RBM28: variants seen among roughly 807,000 people sequenced by gnomAD.
The protein encoded by RBM28 is RNA binding motif protein 28, also known as RNA-binding protein 28.
RBM28 carries 78 observed loss-of-function variants against 98.3 expected under a neutral mutation model. That is an observed-to-expected ratio of 0.79 (90% confidence interval 0.66 to 0.96). The LOEUF (loss-of-function observed/expected upper bound fraction) is 0.96. RBM28 is among the 40% of genes least tolerant of loss of function. The pLI, the probability that RBM28 is intolerant of heterozygous loss-of-function variation, is 0.00. For synonymous variants in RBM28, 306 were observed against 330.9 expected (o/e 0.92, Z 0.82); for missense variants, 838 against 913.0 (o/e 0.92, Z 1.06).
intron 10 of RBM28, 127 bp from the exon 11 acceptor site, chr7:128,326,018 C>T (rs1796342203): frequency 1.3e-6 from 1 of 791,432 alleles, no homozygotes; most frequent in Admixed American, 2.0e-5. Flanking sequence ...TAAGTACAGC[C>T]ATGTAGCCGG....
intron 1 of RBM28, 67 bp downstream of exon 1, chr7:128,343,609 T>G: frequency 8.4e-7 from 1 of 1,191,954 alleles, no homozygotes; most frequent in South Asian, 1.4e-5. Context: ...TACGGCTCCC[T>G]GAAGTTTGGG....
At position 128,310,888 on chromosome 7, in the gene RBM28, A is replaced by G. The variant is rs1795967842; in HGVS notation, c.2189T>C (p.Phe730Ser). The G allele has an allele frequency of 6.2e-7, 1 of 1,613,926 alleles. No homozygotes were observed. The highest frequency in any genetic ancestry group is 1.7e-5 in the Admixed American group (1 of 60,006). The stretch of plus-strand genomic sequence containing the variant: ...CTTATATTGTTCGACCAGCTGGTTG[A>G]AGCGGGTTTCCGTCTTATTTCCCTT... ...KAKGNKTETR[F>S]NQLVEQYKQK... The change falls in exon 19 of 19, where the codon TTC (phenylalanine) becomes TCC (serine). Residue 730 changes from phenylalanine to serine, a missense_variant. Phe to Ser is a radical substitution (Grantham distance 155). Transcript: ENST00000223073.
intron 1 of RBM28, among the ~76,000 whole-genome samples, chr7:128,340,084 A>C (rs941659926): frequency 1.2e-4 from 18 of 152,140 alleles, no homozygotes; most frequent in Non-Finnish European, 1.9e-4. Context: ...AAAACAGAGA[A>C]TCCATGACAT....
Position 128,309,107 on chromosome 7 carries a change from A to C in RBM28, c.*1690T>G, listed in dbSNP as rs1795925896. Reference sequence around the variant, plus strand: ...ACGTTCTCAACTTTTTCTCTTGCCTACTGAATACTGTTTCTTCCTTTCCTA... The same window carrying C: ...ACGTTCTCAACTTTTTCTCTTGCCTCCTGAATACTGTTTCTTCCTTTCCTA... On this transcript the variant is annotated 3_prime_UTR_variant, in exon 19 of 19. Transcript: ENST00000223073. The C allele has an allele frequency of 6.6e-6, 1 of 152,070 alleles. No homozygotes were observed. The highest frequency in any genetic ancestry group is 1.5e-5 in the Non-Finnish European group (1 of 68,056). The allele number at this position is 152,070 out of a possible 1,614,324, so 9.4% of individuals were successfully genotyped here. A position where few individuals can be genotyped will look rare whatever the true frequency, so the allele number is the denominator to read the frequency against.
At position 128,335,568 on chromosome 7, in the gene RBM28, G is replaced by A. The variant is rs1457728362; in HGVS notation, c.921C>T (p.Thr307=). ...CTTTATCCTCTTGCTCCTCAGTGCT[G>A]GTATCACTCTGAGCCAGTTCCTCTC... ...DDGEELAQSD[T]STEEQEDKAV... Residue 307 remains threonine (T), a synonymous_variant, in exon 8 of 19, where the codon ACC becomes ACT. Transcript: ENST00000223073. 6.2e-7 allele frequency: 1 copy of A among 1,614,134 alleles called. No individual in the cohort carries two copies. The highest frequency in any genetic ancestry group is 1.1e-5 in the South Asian group (1 of 91,072).
chr7:128,330,538 A>G (rs995929511), intron 10 of RBM28, among the ~76,000 whole-genome samples: 3 of 151,720 alleles, frequency 2.0e-5, no homozygotes, highest in Non-Finnish European at 2.9e-5. Context: ...CACGCTGCTA[A>G]TTTTTTGTAT....
intron 17 of RBM28, 44 bp from the exon 18 acceptor site, chr7:128,313,318 T>C: frequency 6.4e-7 from 1 of 1,559,868 alleles, no homozygotes; most frequent in South Asian, 1.1e-5. Context: ...CTTCTTCTAA[T>C]TTGACACCCC....
At chr7:128,334,920 G>C (rs768336373) in intron 8 of RBM28, among the ~76,000 whole-genome samples, 1 of 152,044 alleles carries the variant, frequency 6.6e-6, no homozygotes. Context: ...CTCTCCCCTC[G>C]TCAAGCCACA....
At position 128,303,926 on chromosome 7, in the gene RBM28, C is replaced by G. The variant is rs1795815345; in HGVS notation, c.*6871G>C. 2 of 152,110 alleles carry G rather than the reference C, an allele frequency of 1.3e-5. No individual in the cohort carries two copies. Among genetic ancestry groups the G allele is most frequent in the South Asian group, 4.2e-4 (2 of 4,818 alleles). The allele number at this position is 152,110 out of a possible 1,614,324, so 9.4% of individuals were successfully genotyped here. ...CTGGAAAGTATTTAAGCATAAGGAA[C>G]AGAATAGTTTCGAGGGAAGGATAAG... On this transcript the variant is annotated 3_prime_UTR_variant, in exon 19 of 19. Coordinates refer to ENST00000223073, the MANE Select transcript of RBM28 (RefSeq NM_018077.3).
At position 128,306,782 on chromosome 7, in the gene RBM28, T is replaced by C. The variant is rs1795875639; in HGVS notation, c.*4015A>G. 1 of 152,450 alleles carries C rather than the reference T, an allele frequency of 6.6e-6. No homozygotes were observed. The highest frequency in any genetic ancestry group is 2.1e-4 in the South Asian group (1 of 4,836). 9.4% of individuals were successfully genotyped at this position (152,450 alleles called of 1,614,324 possible). On this transcript the variant is annotated 3_prime_UTR_variant, in exon 19 of 19. Transcript: ENST00000223073. The stretch of plus-strand genomic sequence containing the variant: ...AGTTCCCAGTCTGTGCCTTCCAATC[T>C]TCCCAGTATATTCCTTTACCAGCAC...
rs185785128 is a variant in RBM28 at position 128,313,143 on chromosome 7, C to T, written c.2145+32G>A. ...TGGCTACGACCTGGCAGAACCATGC[C>T]ATACCAAAGCTGTATGTCCTGCAGA... On this transcript the variant is annotated intron_variant, in intron 18 of 18. Coordinates refer to ENST00000223073, the MANE Select transcript of RBM28 (RefSeq NM_018077.3). 569 of 1,591,446 alleles carry T rather than the reference C, an allele frequency of 3.6e-4. No individual in the cohort carries two copies. The African/African-American group carries it at 7.1e-3, about 20-fold the overall frequency.
At chr7:128,325,401 G>C (rs1038737342) in intron 11 of RBM28, among the ~76,000 whole-genome samples, 26 of 152,188 alleles carry the variant, frequency 1.7e-4, no homozygotes, top group Admixed American at 1.6e-3. Flanking sequence ...AGCAATATTA[G>C]ATAACATTAT....
chr7:128,312,122 GAA>G (rs1350313695), intron 18 of RBM28, among the ~76,000 whole-genome samples: 3 of 152,122 alleles, frequency 2.0e-5, no homozygotes, highest in East Asian at 3.9e-4. Flanking sequence ...CTCTCTTCAA[GAA>G]AACTGAACTT....
chr7:128,335,397 G>C, intron 8 of RBM28, 146 bp downstream of exon 8: 6 of 990,786 alleles, frequency 6.1e-6, no homozygotes, highest in Non-Finnish European at 7.4e-6. Flanking sequence ...GGAGTATAAA[G>C]GTTTCCTTTT....
In RBM28 at chr7:128,318,120, A is replaced by G; in HGVS notation, c.1564-14T>C. 1 of 1,603,724 alleles carries G rather than the reference A, an allele frequency of 6.2e-7. No individual in the cohort carries two copies. Among genetic ancestry groups the G allele is most frequent in the Non-Finnish European group, 8.5e-7 (1 of 1,170,730 alleles). ...CATCACTCTACACTATGAGTAGAGC[A>G]AGAAAAAAATCAGTAATTACAGAAT... On this transcript the variant is annotated splice_polypyrimidine_tract_variant and intron_variant, in intron 14 of 18. Coordinates refer to ENST00000223073, the MANE Select transcript of RBM28 (RefSeq NM_018077.3).
chr7:128,338,413 C>T, intron 4 of RBM28, 71 bp from the exon 5 acceptor site: 1 of 1,315,430 alleles, frequency 7.6e-7, no homozygotes, highest in Non-Finnish European at 1.1e-6. Flanking sequence ...AAGTAAATTA[C>T]TGCAATTCAG....
At position 128,302,751 on chromosome 7, in the gene RBM28, A is replaced by T. The variant is rs1196342267; in HGVS notation, c.*8046T>A. ...GGGGTAGCAGGAAAAGAAGCTGGTC[A>T]AGTAAAGGGTTTAATCCTTTTTTAT... On this transcript the variant is annotated 3_prime_UTR_variant, in exon 19 of 19. Coordinates refer to ENST00000223073, the MANE Select transcript of RBM28 (RefSeq NM_018077.3). 1 of 152,212 alleles carries T rather than the reference A, an allele frequency of 6.6e-6. No homozygotes were observed. The highest frequency in any genetic ancestry group is 1.5e-5 in the Non-Finnish European group (1 of 68,034). 9.4% of individuals were successfully genotyped at this position (152,212 alleles called of 1,614,324 possible). A position where few individuals can be genotyped will look rare whatever the true frequency, so the allele number is the denominator to read the frequency against.
rs1795823600 is a variant in RBM28, at chr7:128,304,407, C to G, written c.*6390G>C. On this transcript the variant is annotated 3_prime_UTR_variant, in exon 19 of 19. Transcript: ENST00000223073. ...CAGTGAAAAGACACATGAGATGGTT[C>G]AGTGCTAACTCACCCTTCTGACAGA... is the stretch of plus-strand genomic sequence containing the variant. 1.3e-5 allele frequency: 2 copies of G among 152,196 alleles called. No individual in the cohort carries two copies. The highest frequency in any genetic ancestry group is 4.1e-4 in the South Asian group (2 of 4,830). 9.4% of individuals were successfully genotyped at this position (152,196 alleles called of 1,614,324 possible).
intron 14 of RBM28, among the ~76,000 whole-genome samples, chr7:128,319,484 A>G (rs190083397): frequency 3.3e-5 from 5 of 152,354 alleles, no homozygotes; most frequent in Non-Finnish European, 4.4e-5. Flanking sequence ...GTGGTGTCAG[A>G]TATGTGCTGA....
Sources: gnomAD v4.1 joint callset for allele counts (sites outside exome capture counted in the v4.1 genomes callset) on GRCh38, gnomAD v4.1.1 for gene constraint, MANE v1.5 for transcripts, NCBI Gene and HGNC (gene_info 2026-07-23, HGNC 2026-07-21) for gene names.